Variants in CA10 observed in about 807,000 individuals in gnomAD.
CA10 encodes the protein carbonic anhydrase 10 (inactive), also known as carbonic anhydrase-related protein 10.
CA10 carries 14 observed loss-of-function variants against 44.2 expected under a neutral mutation model. The observed-to-expected ratio is 0.32, with a 90% CI of 0.21 to 0.50. CA10 has a LOEUF of 0.50. Among genes scored for constraint, CA10 ranks in the 20% least tolerant of loss-of-function variants. The pLI is 0.99. For synonymous variants in CA10, 159 were observed against 141.6 expected (o/e 1.12, Z -0.87); for missense variants, 350 against 409.7 (o/e 0.85, Z 1.26).
At position 52,072,387 on chromosome 17, in the gene CA10, T is replaced by A. The variant is rs762319066; in HGVS notation, c.68A>T (p.Gln23Leu). 6.2e-7 allele frequency: 1 copy of A among 1,612,726 alleles called. No homozygotes were observed. Among genetic ancestry groups the A allele is most frequent in the Admixed American group, 1.7e-5 (1 of 59,988 alleles). ...ANFIVCISAQ[Q>L]NSPKIHEGWW... ...GCCTTCATGGATTTTTGGTGAATTC[T>A]GTTGAGCTAAAGGAAAAGCAAAGAA... The change falls in exon 2 of 9, where the codon CAG (glutamine) becomes CTG (leucine). Residue 23 changes from glutamine (Q) to leucine (L), a missense_variant. Gln to Leu is a moderately radical substitution (Grantham distance 113, BLOSUM62 -2). Coordinates refer to ENST00000451037, the MANE Select transcript of CA10 (RefSeq NM_020178.5).
At chr17:51,719,244 C>T (rs28393158) in intron 4 of CA10, among the ~76,000 whole-genome samples, 5,743 of 152,278 alleles carry the variant, frequency 0.038, 362 homozygotes, top group African/African-American at 0.13. Flanking sequence ...GGCATGAAGG[C>T]ATGAAATTTT....
intron 2 of CA10, among the ~76,000 whole-genome samples, chr17:51,961,031 A>C (rs940312244): frequency 2.0e-5 from 3 of 152,342 alleles, no homozygotes; most frequent in African/African-American, 7.2e-5. Context: ...AAGCAGAAGA[A>C]GACATTCTAA....
At chr17:51,897,352 C>A (rs894753598) in intron 3 of CA10, among the ~76,000 whole-genome samples, 1 of 151,888 alleles carries the variant, frequency 6.6e-6, no homozygotes, top group Non-Finnish European at 1.5e-5. Context: ...TTTTTCTCAA[C>A]TTTGTAGGAG....
At chr17:52,037,699 T>C (rs754290094) in intron 2 of CA10, among the ~76,000 whole-genome samples, 3 of 152,086 alleles carry the variant, frequency 2.0e-5, no homozygotes, top group Non-Finnish European at 4.4e-5. Flanking sequence ...CAGCCTCAAC[T>C]CCTCTGACAT....
intron 2 of CA10, among the ~76,000 whole-genome samples, chr17:52,068,360 C>T (rs1987591432): frequency 6.6e-6 from 1 of 152,228 alleles, no homozygotes; most frequent in South Asian, 2.1e-4. Context: ...CCTGAGGCCT[C>T]CCGGCCATAC....
At chr17:51,651,338 G>C (rs1913556256) in intron 5 of CA10, among the ~76,000 whole-genome samples, 1 of 152,216 alleles carries the variant, frequency 6.6e-6, no homozygotes, top group Non-Finnish European at 1.5e-5. Context: ...TGAGATGAGT[G>C]AATGGTCAGT....
intron 6 of CA10, among the ~76,000 whole-genome samples, chr17:51,644,281 G>C (rs1006160489): frequency 6.6e-6 from 1 of 151,896 alleles, no homozygotes; most frequent in African/African-American, 2.4e-5. Context: ...CTGCCTCCAT[G>C]TGTGCAGCAG....
chr17:52,153,045 T>G (rs1989736083), intron 1 of CA10, among the ~76,000 whole-genome samples: 1 of 152,116 alleles, frequency 6.6e-6, no homozygotes, highest in African/African-American at 2.4e-5. Context: ...TATGTAATGC[T>G]TAATTAAGGT....
chr17:51,950,527 C>T (rs535668459), intron 2 of CA10, among the ~76,000 whole-genome samples: 29 of 152,216 alleles, frequency 1.9e-4, no homozygotes, highest in African/African-American at 6.7e-4. Flanking sequence ...TGGCTGTTTT[C>T]CTCTCCCAAG....
chr17:51,654,117 A>G (rs555215243), intron 4 of CA10, among the ~76,000 whole-genome samples: 1 of 152,316 alleles, frequency 6.6e-6, no homozygotes, highest in Admixed American at 6.5e-5. Context: ...AACAGCTGCC[A>G]CTGGCAGCCA....
At chr17:51,789,895 G>A (rs1337225370) in intron 3 of CA10, among the ~76,000 whole-genome samples, 4 of 152,230 alleles carry the variant, frequency 2.6e-5, no homozygotes, top group Admixed American at 2.0e-4. Context: ...GGCTCACTAA[G>A]GGATGAAGAT....
intron 4 of CA10, among the ~76,000 whole-genome samples, chr17:51,728,603 T>C (rs1385204466): frequency 6.6e-6 from 1 of 152,226 alleles, no homozygotes; most frequent in African/African-American, 2.4e-5. Context: ...TTTGGATACA[T>C]ATCACAGGGG....
chr17:51,969,328 G>A (rs1286233092), intron 2 of CA10, among the ~76,000 whole-genome samples: 4 of 151,946 alleles, frequency 2.6e-5, no homozygotes, highest in Non-Finnish European at 2.9e-5. Context: ...TTTTACAGAC[G>A]AGAAAACACA....
intron 3 of CA10, among the ~76,000 whole-genome samples, chr17:51,846,892 G>A (rs1046921660): frequency 6.6e-6 from 1 of 152,192 alleles, no homozygotes; most frequent in Admixed American, 6.6e-5. Context: ...GTGGCTGACA[G>A]GGATCAATGT....
At chr17:51,831,732 G>GCGGCGGCAGCGGCAGCGGCGGC (rs1567854679) in intron 3 of CA10, among the ~76,000 whole-genome samples, 3 of 145,938 alleles carry the variant, frequency 2.1e-5, no homozygotes, top group Non-Finnish European at 4.5e-5. Flanking sequence ...AGCAGCAGCA[G>GCGGCGGCAGCGGCAGCGGCGGC]AAAAAGACCT....
chr17:51,880,958 C>T (rs1321380103), intron 3 of CA10, among the ~76,000 whole-genome samples: 1 of 158 alleles, frequency 6.3e-3, no homozygotes, highest in Non-Finnish European at 0.011. Context: ...TTTTATCGGC[C>T]GGGCGCGGGT....
chr17:51,782,930 C>T (rs941618548), intron 3 of CA10, among the ~76,000 whole-genome samples: 8 of 152,176 alleles, frequency 5.3e-5, no homozygotes, highest in African/African-American at 1.9e-4. Flanking sequence ...TGCTTGACTT[C>T]CCTTGCTCCA....
At chr17:52,123,505 A>C (rs1989057367) in intron 1 of CA10, among the ~76,000 whole-genome samples, 1 of 152,140 alleles carries the variant, frequency 6.6e-6, no homozygotes, top group Admixed American at 6.5e-5. Flanking sequence ...TGTTGAAACA[A>C]ATCAGCTATG....
intron 5 of CA10, among the ~76,000 whole-genome samples, chr17:51,649,878 G>GAAAAAAA: frequency 7.0e-6 from 1 of 142,732 alleles, no homozygotes; most frequent in Non-Finnish European, 1.5e-5. Flanking sequence ...TAAGGAAATG[G>GAAAAAAA]AAAAAAAAAA....
Sources: allele counts gnomAD v4.1 joint callset (sites outside exome capture counted in the v4.1 genomes callset), GRCh38; gene constraint gnomAD v4.1.1; transcripts MANE v1.5; gene names NCBI Gene and HGNC (gene_info 2026-07-23, HGNC 2026-07-21).